Variants in SH3TC2 observed in about 807,000 individuals in gnomAD.
SH3TC2 encodes the protein SH3 domain and tetratricopeptide repeats 2.
Under a neutral mutation model 124.5 loss-of-function variants are expected in SH3TC2, and 87 were observed. The observed-to-expected ratio is 0.70, with a 90% CI of 0.59 to 0.84. SH3TC2 has a LOEUF of 0.84. Ranked by LOEUF, SH3TC2 falls within the 40% of genes least tolerant of loss-of-function variation. The pLI, the probability that SH3TC2 is intolerant of heterozygous loss-of-function variation, is 0.00. For synonymous variants in SH3TC2, 634 were observed against 628.5 expected (o/e 1.01, Z -0.13); for missense variants, 1,536 against 1,566.4 (o/e 0.98, Z 0.33).
intron 2 of SH3TC2, among the ~76,000 whole-genome samples, chr5:149,051,384 G>A (rs1754554346): frequency 6.6e-6 from 1 of 152,130 alleles, no homozygotes; most frequent in Non-Finnish European, 1.5e-5. Flanking sequence ...TACATATAAA[G>A]TACTATGTTG....
At chr5:149,040,052 G>A (rs544953374) in intron 7 of SH3TC2, among the ~76,000 whole-genome samples, 1 of 152,298 alleles carries the variant, frequency 6.6e-6, no homozygotes, top group East Asian at 1.9e-4. Context: ...TGGATCTACA[G>A]TACTTACAGA....
rs923079600 is a variant in SH3TC2 at position 148,992,205 on chromosome 5, C to T, written c.*12506G>A. 1.3e-5 allele frequency among the ~76,000 whole-genome samples: 2 copies of T among 152,188 alleles called. No individual in the cohort carries two copies. The highest frequency in any genetic ancestry group is 2.4e-5 in the African/African-American group (1 of 41,446). On this transcript the variant is annotated 3_prime_UTR_variant, in exon 17 of 17. Coordinates refer to ENST00000515425, the MANE Select transcript of SH3TC2 (RefSeq NM_024577.4). ...CATATTACAGATGCAGAAATGGAGGCCCAGAATGGTTAAGTGCCTTGCCCA... is the reference window on the plus strand; with the variant it reads ...CATATTACAGATGCAGAAATGGAGGTCCAGAATGGTTAAGTGCCTTGCCCA...
intron 3 of SH3TC2, chr5:149,046,526 A>G (rs941388341): frequency 6.6e-6 from 1 of 152,236 alleles, no homozygotes; most frequent in Non-Finnish European, 1.5e-5. Context: ...GGCATCTTAG[A>G]TCTAATGAAA....
At position 148,993,444 on chromosome 5, in the gene SH3TC2, C is replaced by T. The variant is rs1753453079; in HGVS notation, c.*11267G>A. On this transcript the variant is annotated 3_prime_UTR_variant, in exon 17 of 17. Coordinates refer to ENST00000515425, the MANE Select transcript of SH3TC2 (RefSeq NM_024577.4). ...GAAAAAGGTAGAAATTGTTTAACTG[C>T]TCTGTATTGAACATTTATCTTGGAG... 1.3e-5 allele frequency among the ~76,000 whole-genome samples: 2 copies of T among 152,128 alleles called. No homozygotes were observed.
intron 1 of SH3TC2, among the ~76,000 whole-genome samples, chr5:149,062,577 G>A (rs2127405971): frequency 6.6e-6 from 1 of 152,310 alleles, no homozygotes; most frequent in Admixed American, 6.5e-5. Flanking sequence ...AAATAGGCTT[G>A]AATGACTAAG....
In SH3TC2 at chr5:148,997,100, G is replaced by C. The variant is rs1297512145; in HGVS notation, c.*7611C>G. ...CAACACATATTTGGATGAGAAGGAT[G>C]TTCCTAATAGCTTTTTCCATGATGT... is the stretch of plus-strand genomic sequence containing the variant. On this transcript the variant is annotated 3_prime_UTR_variant, in exon 17 of 17. Transcript: ENST00000515425. Among the ~76,000 whole-genome samples, 1 of 152,214 alleles carries C rather than the reference G, an allele frequency of 6.6e-6. No individual in the cohort carries two copies. The highest frequency in any genetic ancestry group is 1.9e-4 in the East Asian group (1 of 5,196).
rs1313591047 is a variant in SH3TC2, at chr5:148,988,852, A to G, written c.*15859T>C. Among the ~76,000 whole-genome samples the G allele has an allele frequency of 6.6e-6, 1 of 152,186 alleles. No individual in the cohort carries two copies. The highest frequency in any genetic ancestry group is 6.5e-5 in the Admixed American group (1 of 15,284). On this transcript the variant is annotated 3_prime_UTR_variant, in exon 17 of 17. Transcript: ENST00000515425. ...ACTTGTTCCACCTCATGGTTCAAAA[A>G]CACGATCCCCATAACTTTAATGTTT...
rs1040600475 is a variant in SH3TC2 at position 148,989,077 on chromosome 5, G to T, written c.*15634C>A. 6.6e-6 allele frequency among the ~76,000 whole-genome samples: 1 copy of T among 152,108 alleles called. No individual in the cohort carries two copies. The highest frequency in any genetic ancestry group is 1.5e-5 in the Non-Finnish European group (1 of 68,018). Reference sequence around the variant, plus strand: ...CAAAACAATGTCTTGGATTGTGGAAGAATTTGCTATTGTCATTGTTTTTTA... The same window carrying T: ...CAAAACAATGTCTTGGATTGTGGAATAATTTGCTATTGTCATTGTTTTTTA... On this transcript the variant is annotated 3_prime_UTR_variant, in exon 17 of 17. Coordinates refer to ENST00000515425, the MANE Select transcript of SH3TC2 (RefSeq NM_024577.4).
In SH3TC2 at chr5:149,027,501, A is replaced by T; in HGVS notation, c.2231T>A (p.Leu744Gln). The change falls in exon 11 of 17, where the codon CTG becomes CAG. Residue 744 changes from leucine (L) to glutamine (Q), a missense_variant. Physicochemically the swap from Leu to Gln is moderately radical, Grantham distance 113. This residue lies in a region of SH3TC2 where 1,102 missense variants were observed against 1,098.6 expected (regional missense o/e 1.00). Coordinates refer to ENST00000515425, the MANE Select transcript of SH3TC2 (RefSeq NM_024577.4). Reference sequence around the variant, plus strand: ...GTCTGCTAGTTCCTCACAGGCAGCCAGGGCCTGTCTGAGCATTGGGCAGGC... The same window carrying T: ...GTCTGCTAGTTCCTCACAGGCAGCCTGGGCCTGTCTGAGCATTGGGCAGGC... Reference protein sequence around the residue: ...ALACPMLRQALAACEELADRS... With the variant: ...ALACPMLRQAQAACEELADRS... 1 of 1,614,210 alleles carries T rather than the reference A, an allele frequency of 6.2e-7. No individual in the cohort carries two copies.
chr5:149,051,674 C>A (rs1754559667), intron 2 of SH3TC2, among the ~76,000 whole-genome samples: 1 of 152,080 alleles, frequency 6.6e-6, no homozygotes, highest in Non-Finnish European at 1.5e-5. Context: ...GGCTGGGCCC[C>A]AACTCCTGGG....
In SH3TC2 at chr5:148,982,903, A is replaced by G. The variant is rs1753273301; in HGVS notation, c.*21808T>C. 6.6e-6 allele frequency among the ~76,000 whole-genome samples: 1 copy of G among 152,252 alleles called. No individual in the cohort carries two copies. The highest frequency in any genetic ancestry group is 2.4e-5 in the African/African-American group (1 of 41,474). On this transcript the variant is annotated 3_prime_UTR_variant, in exon 17 of 17. Coordinates refer to ENST00000515425, the MANE Select transcript of SH3TC2 (RefSeq NM_024577.4). The stretch of plus-strand genomic sequence containing the variant: ...TGTTTTAACACCAGTGGACCTTGTG[A>G]AAGATAACTTTAGGAGACTGACGCA...
In SH3TC2 at chr5:148,992,881, T is replaced by C. The variant is rs1753444330; in HGVS notation, c.*11830A>G. 6.6e-6 allele frequency among the ~76,000 whole-genome samples: 1 copy of C among 152,198 alleles called. No individual in the cohort carries two copies. The highest frequency in any genetic ancestry group is 1.5e-5 in the Non-Finnish European group (1 of 68,032). On this transcript the variant is annotated 3_prime_UTR_variant, in exon 17 of 17. Transcript: ENST00000515425. ...ATGCACAGCTCATAGGGTTTGGGTA[T>C]GGCTTGGAAAATCATCATGCTTCAC...
intron 12 of SH3TC2, among the ~76,000 whole-genome samples, chr5:149,015,480 C>T (rs1016522595): frequency 1.3e-5 from 2 of 152,212 alleles, no homozygotes; most frequent in South Asian, 2.1e-4. Flanking sequence ...AAGCATGGAG[C>T]ACTGCTGGTG....
intron 1 of SH3TC2, chr5:149,062,546 C>T (rs755465102): frequency 2.3e-6 from 1 of 433,430 alleles, no homozygotes; most frequent in Non-Finnish European, 4.5e-6. Context: ...TGTTTTTCTC[C>T]AGTAACAGCA....
chr5:149,008,690 A>G, intron 15 of SH3TC2, 161 bp downstream of exon 15: 3 of 945,922 alleles, frequency 3.2e-6, no homozygotes, highest in Non-Finnish European at 5.0e-6. Context: ...TGAGGCTTAT[A>G]GAAGTTAAGC....
chr5:149,035,907 T>C (rs185320442), intron 8 of SH3TC2: 1 of 152,296 alleles, frequency 6.6e-6, no homozygotes, highest in East Asian at 1.9e-4. Flanking sequence ...ATATAAGTTA[T>C]GAAAATGACA....
chr5:149,038,235 G>T lies in SH3TC2; in HGVS notation c.1001+60C>A, dbSNP rs767922235. ...GCTCAACTGCAAATCTGCTCAAAGA[G>T]GGGAGGGAACCCTGGGAAAGGGAGC... On this transcript the variant is annotated intron_variant, in intron 8 of 16. Coordinates refer to ENST00000515425, the MANE Select transcript of SH3TC2 (RefSeq NM_024577.4). 13 of 1,567,902 alleles carry T rather than the reference G, an allele frequency of 8.3e-6. No individual in the cohort carries two copies. The African/African-American group carries it at 1.1e-4, about 13-fold the overall frequency.
At chr5:149,009,123 G>A in intron 14 of SH3TC2, 122 bp from the exon 15 acceptor site, 1 of 1,141,762 alleles carries the variant, frequency 8.8e-7, no homozygotes, top group Non-Finnish European at 1.3e-6. Context: ...ACAAAGGGGA[G>A]TCAGCCATGT....
chr5:149,021,454 A>G (rs1017203590), intron 12 of SH3TC2, among the ~76,000 whole-genome samples: 5 of 152,124 alleles, frequency 3.3e-5, no homozygotes, highest in African/African-American at 1.2e-4. Context: ...AATGATATAG[A>G]GAATAGAAAA....
Sources: allele counts gnomAD v4.1 joint callset (sites outside exome capture counted in the v4.1 genomes callset), GRCh38; gene constraint gnomAD v4.1.1; regional missense constraint gnomAD v4.1.1; transcripts MANE v1.5; gene names NCBI Gene and HGNC (gene_info 2026-07-23, HGNC 2026-07-21).